SMCO4: variants seen among roughly 807,000 people sequenced by gnomAD.
SMCO4 encodes single-pass membrane and coiled-coil domain-containing protein 4.
SMCO4 carries 4 observed loss-of-function variants against 3.6 expected under a neutral mutation model. The observed-to-expected ratio is 1.11, with a 90% confidence interval of 0.54 to 2.53. The LOEUF (loss-of-function observed/expected upper bound fraction) is 2.53. Among genes scored for constraint, SMCO4 ranks in the 30% most tolerant of loss-of-function variants. The probability of loss-of-function intolerance (pLI) is 0.02; values close to 1 mark genes in which losing one functional copy is unlikely to be tolerated. For synonymous variants in SMCO4, 36 were observed against 35.3 expected, an observed-to-expected ratio of 1.02 and a Z score of -0.07; for missense variants, 70 against 80.8, an observed-to-expected ratio of 0.87 and a Z score of 0.51.
chr11:93,525,443 AT>A (rs1203163884), intron 1 of SMCO4, among the ~76,000 whole-genome samples: 2 of 152,194 alleles, frequency 1.3e-5, no homozygotes, highest in African/African-American at 4.8e-5. Context: ...ATTAAATTTG[AT>A]TCCTTGAAAG....
intron 1 of SMCO4, among the ~76,000 whole-genome samples, chr11:93,521,248 A>T (rs1015990632): frequency 1.3e-5 from 2 of 152,216 alleles, no homozygotes; most frequent in Admixed American, 6.5e-5. Flanking sequence ...CAAGATCAAT[A>T]ACCATCACAG....
chr11:93,518,104 A>G (rs995969721), intron 1 of SMCO4, among the ~76,000 whole-genome samples: 4 of 152,062 alleles, frequency 2.6e-5, no homozygotes, highest in African/African-American at 9.7e-5. Flanking sequence ...GATCCACACA[A>G]CCTCTTCCCT....
chr11:93,489,165 G>A (rs1174089390), intron 2 of SMCO4, among the ~76,000 whole-genome samples: 1 of 152,152 alleles, frequency 6.6e-6, no homozygotes, highest in Non-Finnish European at 1.5e-5. Flanking sequence ...TCCTAGTTCT[G>A]CCGTTTATCG....
intron 2 of SMCO4, among the ~76,000 whole-genome samples, chr11:93,482,317 G>C (rs1948601365): frequency 6.6e-6 from 1 of 152,220 alleles, no homozygotes; most frequent in Non-Finnish European, 1.5e-5. Flanking sequence ...GGAGGGCATG[G>C]GCACTGGGGA....
intron 1 of SMCO4, among the ~76,000 whole-genome samples, chr11:93,503,221 G>A (rs1483578110): frequency 6.6e-6 from 1 of 152,130 alleles, no homozygotes; most frequent in East Asian, 1.9e-4. Context: ...GTTCCATTGT[G>A]AGGCCCCCCC....
At chr11:93,526,129 CCTACTG>C (rs778005717) in intron 1 of SMCO4, among the ~76,000 whole-genome samples, 1 of 152,018 alleles carries the variant, frequency 6.6e-6, no homozygotes, top group Non-Finnish European at 1.5e-5. Flanking sequence ...AGGGATTCTG[CCTACTG>C]TACCTTGATG....
At chr11:93,552,563 C>T in the SMCO4 span, among the ~76,000 whole-genome samples, 1 of 151,334 alleles carries the variant, frequency 6.6e-6, no homozygotes, top group Non-Finnish European at 1.5e-5. Flanking sequence ...CCTCTGTCTC[C>T]CGGGTTCAAG....
chr11:93,528,225 T>C (rs530246452), intron 1 of SMCO4, among the ~76,000 whole-genome samples: 2 of 152,334 alleles, frequency 1.3e-5, no homozygotes, highest in East Asian at 1.9e-4. Context: ...TGGAATGTAA[T>C]TGATATAAAA....
At chr11:93,545,631 AAG>A (rs1168387566), upstream of SMCO4, among the ~76,000 whole-genome samples, 1 of 151,610 alleles carries the variant, frequency 6.6e-6, no homozygotes, top group Non-Finnish European at 1.5e-5. Context: ...AGAAAAGAAA[AAG>A]AAAGTGTCAT....
intron 2 of SMCO4, among the ~76,000 whole-genome samples, chr11:93,498,150 C>T (rs898296685): frequency 3.3e-5 from 5 of 152,280 alleles, no homozygotes; most frequent in Admixed American, 2.6e-4. Context: ...CAGATGAATA[C>T]GCAAAACAAT....
At chr11:93,488,946 G>A (rs1368670892) in intron 2 of SMCO4, among the ~76,000 whole-genome samples, 1 of 152,188 alleles carries the variant, frequency 6.6e-6, no homozygotes, top group Non-Finnish European at 1.5e-5. Context: ...AAGGTGTCCT[G>A]AGGAAGGGGG....
intron 1 of SMCO4, among the ~76,000 whole-genome samples, chr11:93,523,776 C>G (rs1949081737): frequency 6.6e-6 from 1 of 152,068 alleles, no homozygotes; most frequent in African/African-American, 2.4e-5. Flanking sequence ...TTTAAAATAC[C>G]CCGCTTTCTA....
intron 1 of SMCO4, among the ~76,000 whole-genome samples, chr11:93,540,746 G>A (rs886952363): frequency 3.3e-5 from 5 of 152,176 alleles, no homozygotes; most frequent in Admixed American, 1.3e-4. Flanking sequence ...AAATGGTGAC[G>A]ATTATGATTT....
chr11:93,542,161 A>G (rs1384224831), intron 1 of SMCO4, among the ~76,000 whole-genome samples: 1 of 150,346 alleles, frequency 6.7e-6, no homozygotes, highest in Non-Finnish European at 1.5e-5. Context: ...AACGGGCTCC[A>G]CACAGGTTGT....
chr11:93,514,177 A>G (rs1475019506), intron 1 of SMCO4, among the ~76,000 whole-genome samples: 1 of 151,868 alleles, frequency 6.6e-6, no homozygotes, highest in Non-Finnish European at 1.5e-5. Context: ...AAATGGAAGG[A>G]GGGATACAGA....
At chr11:93,491,808 A>G (rs1465495593) in intron 2 of SMCO4, among the ~76,000 whole-genome samples, 4 of 152,150 alleles carry the variant, frequency 2.6e-5, no homozygotes, top group Non-Finnish European at 4.4e-5. Context: ...GAGAAACACA[A>G]CTTCGCCAGA....
chr11:93,506,076 C>G (rs1331037078), intron 1 of SMCO4, among the ~76,000 whole-genome samples: 1 of 152,068 alleles, frequency 6.6e-6, no homozygotes, highest in Non-Finnish European at 1.5e-5. Context: ...CACATACACA[C>G]CTATACATGT....
At chr11:93,552,484 A>T in the SMCO4 span, among the ~76,000 whole-genome samples, 2 of 131,992 alleles carry the variant, frequency 1.5e-5, no homozygotes, top group South Asian at 2.4e-4. Context: ...TATTATTATT[A>T]TTTTTGAGAC....
chr11:93,535,478 T>C (rs1949212680), intron 1 of SMCO4: 19 of 1,406,634 alleles, frequency 1.4e-5, no homozygotes, highest in East Asian at 6.9e-5. Context: ...GATGGTGTTG[T>C]TGGAGAGCGA....
Sources: allele counts gnomAD v4.1 joint callset (sites outside exome capture counted in the v4.1 genomes callset), GRCh38; gene constraint gnomAD v4.1.1; transcripts MANE v1.5; gene names NCBI Gene and HGNC (gene_info 2026-07-23, HGNC 2026-07-21).